Variants in ELMOD1 observed in about 807,000 individuals in gnomAD.
ELMOD1 encodes ELMO domain containing 1, also known as ELMO domain-containing protein 1.
Under a neutral mutation model 46.7 loss-of-function variants are expected in ELMOD1, and 21 were observed. That is an observed-to-expected ratio of 0.45 (90% confidence interval 0.32 to 0.65). The LOEUF (loss-of-function observed/expected upper bound fraction) is 0.65, where lower values mean the gene tolerates loss of function less well. Ranked by LOEUF, ELMOD1 falls within the 30% of genes least tolerant of loss-of-function variation. The pLI is 0.04. For synonymous variants in ELMOD1, 122 were observed against 138.2 expected (o/e 0.88, Z 0.82); for missense variants, 348 against 407.8 (o/e 0.85, Z 1.26).
At position 107,655,377 on chromosome 11, in the gene ELMOD1, G is replaced by A. The variant is rs180710004; in HGVS notation, c.699-556G>A. 3.3e-3 allele frequency among the ~76,000 whole-genome samples: 497 copies of A among 151,880 alleles called. 14 individuals carry two copies. Among genetic ancestry groups the A allele is most frequent in the Non-Finnish European group, 6.5e-4 (44 of 67,974 alleles). On this transcript the variant is annotated intron_variant, in intron 10 of 11. Transcript: ENST00000265840. ...ATATCTATAAAGCTTTGTCCACTTC[G>A]GATTTTTTTTCTGTCATATATTTGG... is the stretch of plus-strand genomic sequence containing the variant.
At chr11:107,627,118 T>G (rs1347337643) in intron 2 of ELMOD1, among the ~76,000 whole-genome samples, 1 of 152,164 alleles carries the variant, frequency 6.6e-6, no homozygotes. Flanking sequence ...ATACAGTAAC[T>G]AGCATAGCAG....
At chr11:107,637,041 T>C (rs1866241141) in intron 6 of ELMOD1, among the ~76,000 whole-genome samples, 1 of 152,252 alleles carries the variant, frequency 6.6e-6, no homozygotes, top group East Asian at 1.9e-4. Context: ...CTTTAGCTGA[T>C]CCATTGTATA....
intron 11 of ELMOD1, among the ~76,000 whole-genome samples, chr11:107,657,496 C>G (rs1423629055): frequency 6.6e-6 from 1 of 152,164 alleles, no homozygotes; most frequent in Non-Finnish European, 1.5e-5. Flanking sequence ...CCACTGTACT[C>G]CAGCCTGGGT....
At chr11:107,622,667 T>C (rs1489870382) in intron 2 of ELMOD1, among the ~76,000 whole-genome samples, 1 of 152,226 alleles carries the variant, frequency 6.6e-6, no homozygotes, top group Non-Finnish European at 1.5e-5. Context: ...AAACTTTTTA[T>C]TCAGCATGAC....
chr11:107,646,976 AT>A (rs1358957705), intron 6 of ELMOD1, among the ~76,000 whole-genome samples: 2 of 151,492 alleles, frequency 1.3e-5, no homozygotes, highest in African/African-American at 4.8e-5. Flanking sequence ...CTATCTATCT[AT>A]CTATCTATCT....
chr11:107,627,792 G>C (rs7120702), intron 2 of ELMOD1, among the ~76,000 whole-genome samples: 1 of 152,062 alleles, frequency 6.6e-6, no homozygotes. Context: ...GATCATAAGG[G>C]TCGTCCTCTT....
At chr11:107,640,327 T>G (rs1295549999) in intron 6 of ELMOD1, among the ~76,000 whole-genome samples, 2 of 152,256 alleles carry the variant, frequency 1.3e-5, no homozygotes, top group Non-Finnish European at 2.9e-5. Flanking sequence ...GCAAGTTTGT[T>G]TTAAAAATTA....
At chr11:107,635,788 G>C (rs1374025148) in intron 6 of ELMOD1, 23 bp downstream of exon 6, 1 of 1,601,810 alleles carries the variant, frequency 6.2e-7, no homozygotes, top group Non-Finnish European at 8.5e-7. Context: ...ACACATTTCG[G>C]TTCTTCCTCT....
At chr11:107,599,765 G>GAAA (rs67957721) in intron 1 of ELMOD1, among the ~76,000 whole-genome samples, 1 of 78,972 alleles carries the variant, frequency 1.3e-5, no homozygotes, top group Admixed American at 1.3e-4. Context: ...AAAAAGAAAA[G>GAAA]AAAAAAAAAA....
intron 2 of ELMOD1, among the ~76,000 whole-genome samples, chr11:107,628,269 C>T (rs2509197): frequency 4.6e-5 from 7 of 151,984 alleles, no homozygotes; most frequent in Non-Finnish European, 8.8e-5. Flanking sequence ...TGGGTTCAAG[C>T]AATTCTCCTG....
chr11:107,616,883 C>G (rs952993805), intron 1 of ELMOD1, among the ~76,000 whole-genome samples: 1 of 152,158 alleles, frequency 6.6e-6, no homozygotes, highest in Non-Finnish European at 1.5e-5. Context: ...CCCTAGATGC[C>G]TTTATTGTTG....
At chr11:107,658,074 G>C (rs1866665543) in intron 11 of ELMOD1, among the ~76,000 whole-genome samples, 1 of 152,264 alleles carries the variant, frequency 6.6e-6, no homozygotes, top group Non-Finnish European at 1.5e-5. Flanking sequence ...GTGAGCGGGA[G>C]CTAAATCTTT....
At chr11:107,634,418 C>T (rs766791519) in intron 5 of ELMOD1, among the ~76,000 whole-genome samples, 5 of 151,932 alleles carry the variant, frequency 3.3e-5, no homozygotes, top group Non-Finnish European at 4.4e-5. Flanking sequence ...AGTGTACATT[C>T]GGAGAGGACT....
At chr11:107,646,548 G>A (rs937546683) in intron 6 of ELMOD1, among the ~76,000 whole-genome samples, 6 of 151,870 alleles carry the variant, frequency 4.0e-5, no homozygotes, top group Admixed American at 3.3e-4. Flanking sequence ...AAGCCTGGCC[G>A]ATGTGGTAAA....
chr11:107,643,187 TG>T (rs1866357085), intron 6 of ELMOD1, among the ~76,000 whole-genome samples: 2 of 151,930 alleles, frequency 1.3e-5, no homozygotes, highest in East Asian at 3.9e-4. Flanking sequence ...ACCAACATGG[TG>T]AAACCTCATC....
At chr11:107,625,691 T>A (rs534885027) in intron 2 of ELMOD1, among the ~76,000 whole-genome samples, 1 of 152,346 alleles carries the variant, frequency 6.6e-6, no homozygotes, top group Non-Finnish European at 1.5e-5. Flanking sequence ...CCATTTCGAA[T>A]AATTTACATT....
At chr11:107,615,921 A>G (rs1002549408) in intron 1 of ELMOD1, among the ~76,000 whole-genome samples, 14 of 150,674 alleles carry the variant, frequency 9.3e-5, no homozygotes, top group African/African-American at 3.2e-4. Flanking sequence ...TGCTATCAAC[A>G]TGACTTATCA....
chr11:107,592,555 C>G lies in ELMOD1; in HGVS notation c.-86+1146C>G, dbSNP rs909403059. On this transcript the variant is annotated intron_variant, in intron 1 of 11. Transcript: ENST00000265840. The stretch of plus-strand genomic sequence containing the variant: ...TTAATTCATTAACCTATTATGACAA[C>G]ACGTAGTTACAGCAGACTTAGTCAT... 4.2e-5 allele frequency: 15 copies of G among 360,518 alleles called. 1 individual carries two copies. The highest frequency in any genetic ancestry group is 8.5e-5 in the Non-Finnish European group (14 of 165,052). The allele number at this position is 360,518 out of a possible 1,614,324, so 22.3% of individuals were successfully genotyped here. A position where few individuals can be genotyped will look rare whatever the true frequency, so the allele number is the denominator to read the frequency against.
intron 7 of ELMOD1, among the ~76,000 whole-genome samples, chr11:107,648,735 TTAG>T (rs545910736): frequency 2.0e-5 from 3 of 150,314 alleles, no homozygotes; most frequent in Admixed American, 1.3e-4. Context: ...GAGTCAGGAG[TTAG>T]TAGCCTGGTT....
Sources: allele counts gnomAD v4.1 joint callset (sites outside exome capture counted in the v4.1 genomes callset), GRCh38; gene constraint gnomAD v4.1.1; transcripts MANE v1.5; gene names NCBI Gene and HGNC (gene_info 2026-07-23, HGNC 2026-07-21).